DCC: variants seen among roughly 807,000 people sequenced by gnomAD.
DCC encodes DCC netrin 1 receptor.
DCC carries 58 observed loss-of-function variants against 172.5 expected under a neutral mutation model. The ratio of observed to expected loss-of-function variants is 0.34; its 90% CI spans 0.27 to 0.42. The LOEUF is 0.42. Among genes scored for constraint, DCC ranks in the 10% least tolerant of loss-of-function variants. The pLI is 1.00. For synonymous variants in DCC, 709 were observed against 644.5 expected (o/e 1.10, Z -1.52); for missense variants, 1,740 against 1,791.0 (o/e 0.97, Z 0.51).
intron 27 of DCC, among the ~76,000 whole-genome samples, chr18:53,520,067 C>A (rs1193111814): frequency 6.6e-6 from 1 of 152,006 alleles, no homozygotes; most frequent in Non-Finnish European, 1.5e-5. Context: ...GATGCATAAA[C>A]AAAGTGGGCT....
At chr18:52,796,973 G>A (rs77971780) in intron 2 of DCC, among the ~76,000 whole-genome samples, 6,536 of 150,832 alleles carry the variant, frequency 0.043, 220 homozygotes, top group South Asian at 0.16. Context: ...TCATTTTATG[G>A]CATCCTACTG....
intron 5 of DCC, among the ~76,000 whole-genome samples, chr18:53,012,606 C>T (rs1047585331): frequency 6.6e-6 from 1 of 151,930 alleles, no homozygotes; most frequent in Non-Finnish European, 1.5e-5. Flanking sequence ...CATAAATATA[C>T]ACACACATAC....
intron 13 of DCC, among the ~76,000 whole-genome samples, chr18:53,309,910 A>G (rs1029938741): frequency 1.5e-5 from 2 of 136,066 alleles, no homozygotes; most frequent in Non-Finnish European, 3.1e-5. Context: ...TACTGCAAAC[A>G]TATATGTGCG....
chr18:52,617,450 A>G (rs2144852937), intron 1 of DCC, among the ~76,000 whole-genome samples: 1 of 152,296 alleles, frequency 6.6e-6, no homozygotes, highest in South Asian at 2.1e-4. Flanking sequence ...TGCACACACT[A>G]CTGAATCGCA....
intron 14 of DCC, among the ~76,000 whole-genome samples, chr18:53,331,737 G>A (rs1403565839): frequency 1.3e-5 from 2 of 152,148 alleles, no homozygotes; most frequent in Non-Finnish European, 2.9e-5. Context: ...TTGATAGACA[G>A]AGACCACGCT....
chr18:52,687,548 G>A (rs1202759944), intron 1 of DCC, among the ~76,000 whole-genome samples: 1 of 152,058 alleles, frequency 6.6e-6, no homozygotes, highest in Non-Finnish European at 1.5e-5. Context: ...GCCTCCCAAA[G>A]TGCTCCCAAA....
At chr18:53,438,009 A>C (rs1038126457) in intron 22 of DCC, among the ~76,000 whole-genome samples, 1 of 152,204 alleles carries the variant, frequency 6.6e-6, no homozygotes, top group Non-Finnish European at 1.5e-5. Flanking sequence ...GAAGTTGCTG[A>C]AATTGGGAGA....
chr18:53,509,592 C>A (rs183696879), intron 27 of DCC, among the ~76,000 whole-genome samples: 1 of 152,206 alleles, frequency 6.6e-6, no homozygotes, highest in African/African-American at 2.4e-5. Flanking sequence ...ACCTGGGGTT[C>A]ATGGAAGAAC....
chr18:53,257,399 T>G (rs555436984), intron 12 of DCC, among the ~76,000 whole-genome samples: 1 of 152,340 alleles, frequency 6.6e-6, no homozygotes, highest in Admixed American at 6.5e-5. Context: ...CAATAACTAA[T>G]TTATTGAGAA....
chr18:52,596,797 A>G (rs2033918149), intron 1 of DCC, among the ~76,000 whole-genome samples: 2 of 152,216 alleles, frequency 1.3e-5, no homozygotes, highest in South Asian at 2.1e-4. Context: ...CAACAGCTAG[A>G]GCCAAATCCT....
At chr18:52,499,827 T>C (rs962930535) in intron 1 of DCC, among the ~76,000 whole-genome samples, 2 of 152,134 alleles carry the variant, frequency 1.3e-5, no homozygotes, top group African/African-American at 4.8e-5. Flanking sequence ...TAGTGACTCA[T>C]GGTGCAAACA....
At chr18:53,316,177 G>A (rs1182633001) in intron 13 of DCC, among the ~76,000 whole-genome samples, 1 of 152,186 alleles carries the variant, frequency 6.6e-6, no homozygotes, top group Non-Finnish European at 1.5e-5. Flanking sequence ...CATATGGCTA[G>A]CCAGTTTTCT....
At chr18:52,891,853 C>G (rs1405957530) in intron 2 of DCC, among the ~76,000 whole-genome samples, 1 of 152,082 alleles carries the variant, frequency 6.6e-6, no homozygotes, top group Non-Finnish European at 1.5e-5. Context: ...TGTTAAGTTT[C>G]TCTCTGAGAT....
chr18:53,495,814 T>C (rs1460474814), intron 26 of DCC, among the ~76,000 whole-genome samples: 3 of 152,192 alleles, frequency 2.0e-5, no homozygotes, highest in Admixed American at 1.3e-4. Context: ...TTTGTTCATT[T>C]CTTTTCACTC....
At chr18:53,126,440 G>C (rs1021079453) in intron 7 of DCC, among the ~76,000 whole-genome samples, 1 of 152,062 alleles carries the variant, frequency 6.6e-6, no homozygotes, top group Non-Finnish European at 1.5e-5. Flanking sequence ...TGGAAATTAG[G>C]TATTTCATTG....
At chr18:52,965,878 C>A (rs566512195) in intron 5 of DCC, among the ~76,000 whole-genome samples, 1 of 152,230 alleles carries the variant, frequency 6.6e-6, no homozygotes, top group East Asian at 1.9e-4. Context: ...AGTTAAATCT[C>A]AGTGCAATAT....
chr18:52,371,488 A>C (rs1198055056), intron 1 of DCC, among the ~76,000 whole-genome samples: 1 of 152,214 alleles, frequency 6.6e-6, no homozygotes, highest in Admixed American at 6.5e-5. Context: ...AACGTTAGTG[A>C]ACGTTTACTA....
chr18:52,589,962 T>A (rs2033760804), intron 1 of DCC, among the ~76,000 whole-genome samples: 1 of 152,188 alleles, frequency 6.6e-6, no homozygotes, highest in Admixed American at 6.5e-5. Flanking sequence ...TGATTTCAAG[T>A]TTACATTTTT....
intron 2 of DCC, among the ~76,000 whole-genome samples, chr18:52,882,133 T>C (rs1470276459): frequency 6.6e-6 from 1 of 152,142 alleles, no homozygotes; most frequent in African/African-American, 2.4e-5. Context: ...GATTTGTATG[T>C]TGATTTTATA....
Sources: gnomAD v4.1 joint callset for allele counts (sites outside exome capture counted in the v4.1 genomes callset) on GRCh38, gnomAD v4.1.1 for gene constraint, MANE v1.5 for transcripts, NCBI Gene and HGNC (gene_info 2026-07-23, HGNC 2026-07-21) for gene names.